Variants in RAPGEF4 observed in about 807,000 individuals in gnomAD.
The protein encoded by RAPGEF4 is Rap guanine nucleotide exchange factor 4.
Under a neutral mutation model 147.9 loss-of-function variants are expected in RAPGEF4, and 66 were observed. The ratio of observed to expected loss-of-function variants is 0.45; its 90% confidence interval spans 0.37 to 0.55. The LOEUF (loss-of-function observed/expected upper bound fraction) is 0.55, where lower values mean the gene tolerates loss of function less well. Among genes scored for constraint, RAPGEF4 ranks in the 20% least tolerant of loss-of-function variants. The probability of loss-of-function intolerance (pLI) is 0.00; values close to 1 mark genes in which losing one functional copy is unlikely to be tolerated. For synonymous variants in RAPGEF4, 419 were observed against 442.7 expected (o/e 0.95, Z 0.67); for missense variants, 1,071 against 1,257.3 (o/e 0.85, Z 2.24).
chr2:172,748,636 A>G (rs1376405808), intron 1 of RAPGEF4, among the ~76,000 whole-genome samples: 1 of 152,124 alleles, frequency 6.6e-6, no homozygotes, highest in Non-Finnish European at 1.5e-5. Flanking sequence ...CAGCCAAACC[A>G]TATCATTCTG....
chr2:172,828,081 G>A (rs1193104182), intron 4 of RAPGEF4, among the ~76,000 whole-genome samples: 1 of 152,130 alleles, frequency 6.6e-6, no homozygotes, highest in African/African-American at 2.4e-5. Context: ...TGGGGTTGCA[G>A]AAATGAACAA....
intron 29 of RAPGEF4, among the ~76,000 whole-genome samples, chr2:173,044,096 C>A (rs557893376): frequency 1.3e-5 from 2 of 152,266 alleles, no homozygotes; most frequent in East Asian, 3.9e-4. Context: ...CAGGGTAGCA[C>A]AGAGTAGCAC....
chr2:172,967,145 G>C lies in RAPGEF4; in HGVS notation c.821-116G>C, dbSNP rs138701949. The C allele has an allele frequency of 2.9e-5, 29 of 1,000,988 alleles. No homozygotes were observed. The East Asian group carries it at 7.3e-4, about 25-fold the overall frequency. The allele number at this position is 1,000,988 out of a possible 1,614,324, so 62.0% of individuals were successfully genotyped here. A position where few individuals can be genotyped will look rare whatever the true frequency, so the allele number is the denominator to read the frequency against. On this transcript the variant is annotated intron_variant, in intron 9 of 30. Coordinates refer to ENST00000397081, the MANE Select transcript of RAPGEF4 (RefSeq NM_007023.4). ...AGGGCAGAGTGAGAAGGGCGAGGAG[G>C]CTCCCGGCTTTGCTGCCACTTGGCC...
intron 1 of RAPGEF4, among the ~76,000 whole-genome samples, chr2:172,790,705 T>C (rs1052344246): frequency 6.6e-6 from 1 of 152,194 alleles, no homozygotes; most frequent in African/African-American, 2.4e-5. Context: ...AGAACCCTCC[T>C]AGGATAGGAC....
chr2:172,855,295 G>A (rs1410650636), intron 4 of RAPGEF4, among the ~76,000 whole-genome samples: 1 of 152,056 alleles, frequency 6.6e-6, no homozygotes, highest in Non-Finnish European at 1.5e-5. Context: ...ACTGCTTCAT[G>A]TCAAATACTG....
chr2:172,926,037 G>GGGAGGGAGGGAC (rs1491516558), intron 6 of RAPGEF4, among the ~76,000 whole-genome samples: 1 of 25,870 alleles, frequency 3.9e-5, no homozygotes, highest in African/African-American at 1.1e-4. Flanking sequence ...GAGGGACGGA[G>GGGAGGGAGGGAC]GGAGGGAGGG....
chr2:172,927,903 C>A (rs1293991734), intron 6 of RAPGEF4, among the ~76,000 whole-genome samples: 1 of 152,212 alleles, frequency 6.6e-6, no homozygotes, highest in African/African-American at 2.4e-5. Context: ...TCACGTGTAA[C>A]TGGCCAGGGT....
intron 1 of RAPGEF4, among the ~76,000 whole-genome samples, chr2:172,745,020 T>A (rs58916736): frequency 2.0e-3 from 304 of 152,296 alleles, no homozygotes; most frequent in African/African-American, 7.2e-3. Flanking sequence ...ATTTCATTAA[T>A]GCTACTTTCA....
intron 1 of RAPGEF4, among the ~76,000 whole-genome samples, chr2:172,790,387 T>C (rs11885026): frequency 0.34 from 52,216 of 152,044 alleles, 9,424 homozygotes; most frequent in Middle Eastern, 0.47. Context: ...TTTTAAAAAG[T>C]CATTTTTTAT....
chr2:172,958,248 A>T (rs746922574), intron 6 of RAPGEF4, among the ~76,000 whole-genome samples: 5 of 152,224 alleles, frequency 3.3e-5, no homozygotes, highest in Admixed American at 6.5e-5. Context: ...CAAGAAGAAG[A>T]AATGGATTTC....
At chr2:172,993,505 A>G (rs1035974123) in intron 15 of RAPGEF4, among the ~76,000 whole-genome samples, 3 of 152,156 alleles carry the variant, frequency 2.0e-5, no homozygotes. Flanking sequence ...AGAGGTTTAA[A>G]ACTTCATAGC....
chr2:172,970,812 A>G (rs147090393), intron 10 of RAPGEF4, among the ~76,000 whole-genome samples: 2 of 152,318 alleles, frequency 1.3e-5, no homozygotes, highest in Non-Finnish European at 2.9e-5. Flanking sequence ...TATTGAAAAA[A>G]AACACATACA....
rs368338304 is a variant in RAPGEF4, at chr2:172,769,122, G to C, written c.66-25903G>C. Among the ~76,000 whole-genome samples the C allele has an allele frequency of 1.6e-4, 25 of 152,122 alleles. 1 individual carries two copies. The highest frequency in any genetic ancestry group is 2.2e-4 in the Non-Finnish European group (15 of 68,018). ...TGAAACTTCAGGGAAGTTGTCTTGG[G>C]GTATACGTCTTAAGGAGGTTCTAAA... On this transcript the variant is annotated intron_variant, in intron 1 of 30. Coordinates refer to ENST00000397081, the MANE Select transcript of RAPGEF4 (RefSeq NM_007023.4).
intron 17 of RAPGEF4, among the ~76,000 whole-genome samples, chr2:173,007,816 GA>G (rs1236992232): frequency 2.0e-5 from 3 of 152,238 alleles, no homozygotes; most frequent in South Asian, 2.1e-4. Flanking sequence ...ACAAAGACAA[GA>G]AGCCCAGATT....
At chr2:172,954,821 G>C (rs930811777) in intron 6 of RAPGEF4, among the ~76,000 whole-genome samples, 12 of 152,150 alleles carry the variant, frequency 7.9e-5, no homozygotes, top group Admixed American at 2.0e-4. Flanking sequence ...TAAGAAAAGG[G>C]GGATTTGAAA....
intron 1 of RAPGEF4, among the ~76,000 whole-genome samples, chr2:172,790,780 T>C (rs1685734371): frequency 6.6e-6 from 1 of 152,162 alleles, no homozygotes; most frequent in Non-Finnish European, 1.5e-5. Context: ...TTATCCACGC[T>C]CAATGAGAGA....
At position 173,038,398 on chromosome 2, in the gene RAPGEF4, T is replaced by A. The variant is rs12620106; in HGVS notation, c.2853+1706T>A. Among the ~76,000 whole-genome samples, 39 of 152,362 alleles carry A rather than the reference T, an allele frequency of 2.6e-4. No individual in the cohort carries two copies. In the East Asian group the frequency reaches 6.9e-3, roughly 27 times the overall value. ...CACCCATTTAATTATAAAATATACA[T>A]GTGCACAGAGATGTAGAAGTCAGGG... On this transcript the variant is annotated intron_variant, in intron 29 of 30. Transcript: ENST00000397081.
chr2:172,934,567 C>G (rs149578560), intron 6 of RAPGEF4, among the ~76,000 whole-genome samples: 1 of 152,060 alleles, frequency 6.6e-6, no homozygotes, highest in Non-Finnish European at 1.5e-5. Context: ...TTTCAAAGAG[C>G]AAACCACCTA....
chr2:172,994,783 A>G (rs1212689302), intron 15 of RAPGEF4, among the ~76,000 whole-genome samples: 1 of 152,240 alleles, frequency 6.6e-6, no homozygotes, highest in Non-Finnish European at 1.5e-5. Flanking sequence ...TGCATTGCCC[A>G]CAAGAGGAAA....
Sources: gnomAD v4.1 joint callset for allele counts (sites outside exome capture counted in the v4.1 genomes callset) on GRCh38, gnomAD v4.1.1 for gene constraint, MANE v1.5 for transcripts, NCBI Gene and HGNC (gene_info 2026-07-23, HGNC 2026-07-21) for gene names.